The following CADM2 variants were observed in gnomAD, a reference collection of about 807,000 sequenced individuals.
The protein encoded by CADM2 is immunoglobulin superfamily member 4D.
Under a neutral mutation model 49.8 loss-of-function variants are expected in CADM2, and 12 were observed. The observed-to-expected ratio is 0.24, with a 90% CI of 0.15 to 0.39. The LOEUF (loss-of-function observed/expected upper bound fraction) is 0.39. CADM2 is among the 10% of genes least tolerant of loss of function. The pLI is 1.00. For missense variants in CADM2, 378 were observed against 492.3 expected, an observed-to-expected ratio of 0.77 and a Z score of 2.20; for synonymous variants, 214 against 175.4, an observed-to-expected ratio of 1.22 and a Z score of -1.74.
At chr3:85,982,964 A>G (rs2108675860) in intron 8 of CADM2, among the ~76,000 whole-genome samples, 1 of 151,754 alleles carries the variant, frequency 6.6e-6, no homozygotes, top group African/African-American at 2.4e-5. Flanking sequence ...TTTAAATTGT[A>G]TTTCTTCAAA....
At chr3:85,549,386 G>A (rs1005889780) in intron 1 of CADM2, among the ~76,000 whole-genome samples, 4 of 152,086 alleles carry the variant, frequency 2.6e-5, no homozygotes, top group East Asian at 1.9e-4. Flanking sequence ...AGGTGTTTGC[G>A]GTTAATTTTG....
Position 85,197,714 on chromosome 3 carries a change from G to T in CADM2, c.61+238046G>T, listed in dbSNP as rs113946060. Reference sequence around the variant, plus strand: ...GTAAATCGCACAAGTCAGCACAGGAGAATTATCTAACTCTGATGTTATGTT... The same window carrying T: ...GTAAATCGCACAAGTCAGCACAGGATAATTATCTAACTCTGATGTTATGTT... On this transcript the variant is annotated intron_variant, in intron 1 of 9. Transcript: ENST00000383699. Among the ~76,000 whole-genome samples, 318 of 152,064 alleles carry T rather than the reference G, an allele frequency of 2.1e-3. 1 individual carries two copies. The highest frequency in any genetic ancestry group is 7.2e-3 in the African/African-American group (301 of 41,554).
chr3:85,486,670 C>A (rs779255301), intron 1 of CADM2, among the ~76,000 whole-genome samples: 5 of 151,464 alleles, frequency 3.3e-5, no homozygotes, highest in Non-Finnish European at 7.4e-5. Context: ...ATTTGATTAT[C>A]CTGTAGATAT....
At chr3:85,265,031 A>G (rs564253725) in intron 1 of CADM2, among the ~76,000 whole-genome samples, 8 of 152,026 alleles carry the variant, frequency 5.3e-5, no homozygotes, top group Admixed American at 4.6e-4. Context: ...ATAAAATAAC[A>G]TATGTAAAGC....
intron 7 of CADM2, among the ~76,000 whole-genome samples, chr3:85,943,261 A>G (rs533051238): frequency 3.0e-5 from 4 of 135,482 alleles, no homozygotes; most frequent in East Asian, 2.1e-4. Context: ...GTAGGTTGCA[A>G]AAATTTTCTC....
chr3:85,045,005 A>C (rs1351493130), intron 1 of CADM2, among the ~76,000 whole-genome samples: 1 of 152,094 alleles, frequency 6.6e-6, no homozygotes, highest in Non-Finnish European at 1.5e-5. Flanking sequence ...AGGTGTGCAT[A>C]AGACATTGCT....
At chr3:84,980,639 G>A (rs1370593593) in intron 1 of CADM2, among the ~76,000 whole-genome samples, 1 of 152,168 alleles carries the variant, frequency 6.6e-6, no homozygotes, top group Admixed American at 6.5e-5. Context: ...TACAGAGAGA[G>A]CTAAGATGGT....
chr3:85,979,880 G>T (rs547341106), intron 8 of CADM2, among the ~76,000 whole-genome samples: 1 of 151,514 alleles, frequency 6.6e-6, no homozygotes, highest in African/African-American at 2.4e-5. Context: ...GTCTCAGATG[G>T]CTCCATGAGT....
intron 1 of CADM2, among the ~76,000 whole-genome samples, chr3:85,551,775 A>G (rs944295359): frequency 6.6e-6 from 1 of 152,122 alleles, no homozygotes; most frequent in Non-Finnish European, 1.5e-5. Context: ...CTCTTTTTCA[A>G]AAACATTTCC....
intron 8 of CADM2, chr3:86,013,664 C>T: frequency 6.2e-7 from 1 of 1,602,922 alleles, no homozygotes. Flanking sequence ...GGGAAGAGCA[C>T]CTAACTGTGT....
chr3:85,254,854 C>T (rs1347909432), intron 1 of CADM2, among the ~76,000 whole-genome samples: 1 of 152,002 alleles, frequency 6.6e-6, no homozygotes, highest in Non-Finnish European at 1.5e-5. Context: ...CCTGATGTTC[C>T]TCTCCTCCCT....
intron 1 of CADM2, among the ~76,000 whole-genome samples, chr3:85,422,446 T>G (rs1462561288): frequency 6.6e-6 from 1 of 151,870 alleles, no homozygotes; most frequent in Non-Finnish European, 1.5e-5. Flanking sequence ...CCCGGCTAAT[T>G]TTTTGTATTT....
At chr3:85,346,173 C>A (rs2030620662) in intron 1 of CADM2, among the ~76,000 whole-genome samples, 1 of 152,128 alleles carries the variant, frequency 6.6e-6, no homozygotes, top group African/African-American at 2.4e-5. Context: ...GGAAATGCAG[C>A]TATAATTTAA....
At chr3:85,060,170 G>A (rs367948138) in intron 1 of CADM2, among the ~76,000 whole-genome samples, 31 of 151,598 alleles carry the variant, frequency 2.0e-4, no homozygotes, top group African/African-American at 6.1e-4. Flanking sequence ...CCTCTCTGTC[G>A]CCCAGGCTGG....
At chr3:85,596,410 A>G (rs1187649239) in intron 1 of CADM2, among the ~76,000 whole-genome samples, 1 of 152,142 alleles carries the variant, frequency 6.6e-6, no homozygotes, top group Non-Finnish European at 1.5e-5. Flanking sequence ...AGAAGAAAAA[A>G]GTAATAATTA....
In CADM2 at chr3:85,002,566, T is replaced by A. The variant is rs115860210; in HGVS notation, c.61+42898T>A. ...ACTATGGATTACTTAGAAAACAACT[T>A]GCTAGAGTAAATAATTATTATTTTT... On this transcript the variant is annotated intron_variant, in intron 1 of 9. Coordinates refer to ENST00000383699, the MANE Select transcript of CADM2 (RefSeq NM_001167675.2). Among the ~76,000 whole-genome samples the A allele has an allele frequency of 6.3e-3, 963 of 152,068 alleles. 15 individuals are homozygous for A. The highest frequency in any genetic ancestry group is 0.022 in the African/African-American group (921 of 41,378).
At chr3:85,276,595 A>G (rs747545147) in intron 1 of CADM2, among the ~76,000 whole-genome samples, 28 of 151,310 alleles carry the variant, frequency 1.9e-4, no homozygotes, top group Non-Finnish European at 3.1e-4. Context: ...TTTGAACTGA[A>G]CTAAAAATCA....
intron 8 of CADM2, among the ~76,000 whole-genome samples, chr3:86,026,319 G>A (rs1475567625): frequency 1.3e-5 from 2 of 151,460 alleles, no homozygotes; most frequent in Non-Finnish European, 2.9e-5. Context: ...GAAACTCGAA[G>A]TTTTAGCCCC....
chr3:85,549,931 T>C (rs7637527), intron 1 of CADM2, among the ~76,000 whole-genome samples: 77,553 of 151,434 alleles, frequency 0.51, 22,904 homozygotes, highest in East Asian at 0.85. Context: ...CACCTAAAGG[T>C]CTTTTTTTAA....
Sources: allele counts gnomAD v4.1 joint callset (sites outside exome capture counted in the v4.1 genomes callset), GRCh38; gene constraint gnomAD v4.1.1; transcripts MANE v1.5; gene names NCBI Gene and HGNC (gene_info 2026-07-23, HGNC 2026-07-21).